Variants in ZNF536 observed in about 807,000 individuals in gnomAD.
The protein encoded by ZNF536 is zinc finger protein 536.
Under a neutral mutation model 84.5 loss-of-function variants are expected in ZNF536, and 13 were observed. The ratio of observed to expected loss-of-function variants is 0.15; its 90% CI spans 0.10 to 0.24. The LOEUF (loss-of-function observed/expected upper bound fraction) is 0.24, where lower values mean the gene tolerates loss of function less well. ZNF536 is among the 10% of genes least tolerant of loss of function. ZNF536 has a pLI of 1.00. For missense variants in ZNF536, 1,536 were observed against 1,747.5 expected, an observed-to-expected ratio of 0.88 and a Z score of 2.16; for synonymous variants, 811 against 742.5, an observed-to-expected ratio of 1.09 and a Z score of -1.50.
rs139076991 is a variant in ZNF536, at chr19:30,486,808, C to G, written c.2170+41076C>G. Among the ~76,000 whole-genome samples the G allele has an allele frequency of 7.3e-3, 1,115 of 152,318 alleles. 9 individuals are homozygous for G. Among genetic ancestry groups the G allele is most frequent in the Non-Finnish European group, 0.012 (808 of 68,030 alleles). ...ATGTATTTTCTATAATAACTCATCTCATCTGTTTTTGGCCTACTTGGACTT... is the reference window on the plus strand; with the variant it reads ...ATGTATTTTCTATAATAACTCATCTGATCTGTTTTTGGCCTACTTGGACTT... On this transcript the variant is annotated intron_variant, in intron 2 of 4. Transcript: ENST00000355537.
At chr19:30,229,794 C>G (rs2022895937) in intron 1 of ZNF536, among the ~76,000 whole-genome samples, 1 of 152,162 alleles carries the variant, frequency 6.6e-6, no homozygotes, top group Admixed American at 6.5e-5. Flanking sequence ...AATGCAGAAC[C>G]GCCGAGCCCT....
Position 30,556,664 on chromosome 19 carries a change from C to T in ZNF536, c.3896-493C>T, listed in dbSNP as rs144118122. ...GATGGTGTCTGTAAGTCGGCAAACA[C>T]TGGTGACATTTAGCCTTGTTTATGT... On this transcript the variant is annotated intron_variant, in intron 4 of 4. Transcript: ENST00000355537. The T allele has an allele frequency of 1.0e-3, 156 of 153,236 alleles. 1 individual carries two copies. Among genetic ancestry groups the T allele is most frequent in the Non-Finnish European group, 1.9e-3 (128 of 68,634 alleles). 9.5% of individuals were successfully genotyped at this position (153,236 alleles called of 1,614,324 possible).
chr19:30,530,338 T>C (rs916271463), intron 2 of ZNF536, among the ~76,000 whole-genome samples: 3 of 151,912 alleles, frequency 2.0e-5, no homozygotes, highest in East Asian at 3.9e-4. Flanking sequence ...CTTTTTGTTG[T>C]TGTTGTTGTT....
chr19:30,705,631 G>A (rs1022065141), intron 1 of ZNF536, among the ~76,000 whole-genome samples: 2 of 152,122 alleles, frequency 1.3e-5, no homozygotes, highest in East Asian at 1.9e-4. Flanking sequence ...ATGCAAAAAT[G>A]TATGTGAAAA....
Position 30,549,260 on chromosome 19 carries a change from C to G in ZNF536, c.3641C>G (p.Thr1214Ser), listed in dbSNP as rs751918169. 2 of 1,613,916 alleles carry G rather than the reference C, an allele frequency of 1.2e-6. No individual in the cohort carries two copies. Among genetic ancestry groups the G allele is most frequent in the Non-Finnish European group, 1.7e-6 (2 of 1,180,040 alleles). ...GGGGACAGCCTGCAGCCCACAGGCA[C>G]CTCCCAGCCCGTCCAGGGACTGGTC... ...DGGDSLQPTG[T>S]SQPVQGLVSP... is the part of the protein sequence containing the mutation. The change falls in exon 4 of 5, where the codon ACC becomes AGC. Residue 1214 changes from threonine (T) to serine (S), a missense_variant. Coordinates refer to ENST00000355537, the MANE Select transcript of ZNF536 (RefSeq NM_014717.3).
chr19:30,650,287 G>T (rs1330238852), intron 1 of ZNF536, among the ~76,000 whole-genome samples: 1 of 152,172 alleles, frequency 6.6e-6, no homozygotes, highest in Admixed American at 6.5e-5. Context: ...CCCTGACCCC[G>T]TTTGAAAGTA....
intron 1 of ZNF536, among the ~76,000 whole-genome samples, chr19:30,618,301 A>C (rs1376472169): frequency 2.0e-5 from 3 of 152,184 alleles, no homozygotes; most frequent in African/African-American, 7.2e-5. Context: ...AATTATCAAA[A>C]TCTTTCCTTT....
chr19:30,256,048 C>T (rs985557877), intron 1 of ZNF536, among the ~76,000 whole-genome samples: 1 of 152,206 alleles, frequency 6.6e-6, no homozygotes, highest in Admixed American at 6.5e-5. Context: ...CCTTGCTGTT[C>T]CTTCCAGACC....
At chr19:30,565,894 A>T (rs1377471849) in intron 1 of ZNF536, among the ~76,000 whole-genome samples, 1 of 152,208 alleles carries the variant, frequency 6.6e-6, no homozygotes, top group Non-Finnish European at 1.5e-5. Context: ...TCCAATGCCA[A>T]GCACCGAACC....
At chr19:30,595,435 A>T (rs938306110) in intron 1 of ZNF536, among the ~76,000 whole-genome samples, 7 of 152,094 alleles carry the variant, frequency 4.6e-5, no homozygotes, top group African/African-American at 1.7e-4. Flanking sequence ...TTACAGGCTT[A>T]TGACCCCATG....
At chr19:30,524,718 A>G (rs1156812535) in intron 2 of ZNF536, among the ~76,000 whole-genome samples, 3 of 152,064 alleles carry the variant, frequency 2.0e-5, no homozygotes, top group African/African-American at 7.2e-5. Context: ...CCCCCACCCA[A>G]ACAGGAGGGG....
intron 2 of ZNF536, among the ~76,000 whole-genome samples, chr19:30,327,437 G>T (rs1179534291): frequency 1.3e-5 from 2 of 152,156 alleles, no homozygotes. Context: ...GTGTTTTCTA[G>T]GCCTGTGTTT....
At chr19:30,358,152 A>G (rs962335240) in intron 3 of ZNF536, among the ~76,000 whole-genome samples, 5 of 152,104 alleles carry the variant, frequency 3.3e-5, no homozygotes, top group Admixed American at 2.6e-4. Context: ...TGAATTCTAG[A>G]TCATTCCTAG....
Position 30,297,908 on chromosome 19 carries a change from C to CCA in ZNF536, c.-120+13768_-120+13769insAC, listed in dbSNP as rs1555714343. 4.0e-5 allele frequency among the ~76,000 whole-genome samples: 6 copies of CCA among 150,052 alleles called. No homozygotes were observed. In the South Asian group the frequency reaches 8.7e-4, roughly 22 times the overall value. On this transcript the variant is annotated intron_variant, in intron 2 of 5. Coordinates refer to the ZNF536 transcript ENST00000585628. ...TTTTTTTTCTCAAGACGGAGTCCCC[C>CCA]CCCCCTCTGTCGCCCAGGCTGGAGT...
intron 1 of ZNF536, among the ~76,000 whole-genome samples, chr19:30,277,960 G>A (rs1031770538): frequency 6.6e-6 from 1 of 152,202 alleles, no homozygotes; most frequent in African/African-American, 2.4e-5. Flanking sequence ...TGTGGGCGGT[G>A]CTGTCTTCAG....
At chr19:30,700,155 CTTCT>C (rs1042017246) in intron 1 of ZNF536, among the ~76,000 whole-genome samples, 1 of 135,950 alleles carries the variant, frequency 7.4e-6, no homozygotes, top group Non-Finnish European at 1.6e-5. Flanking sequence ...CCCTTCTTTC[CTTCT>C]TTCTTTTCTT....
rs2046013413 is a variant in ZNF536, at chr19:30,557,664, T to C, written c.*500T>C. On this transcript the variant is annotated 3_prime_UTR_variant, in exon 5 of 5. Coordinates refer to ENST00000355537, the MANE Select transcript of ZNF536 (RefSeq NM_014717.3). ...GTGCAGTAATTCTCTTTCTCCATAGTATTTAAGCAGAAATATTGCTAGTTT... is the reference window on the plus strand; with the variant it reads ...GTGCAGTAATTCTCTTTCTCCATAGCATTTAAGCAGAAATATTGCTAGTTT... 1 of 152,490 alleles carries C rather than the reference T, an allele frequency of 6.6e-6. No homozygotes were observed. Among genetic ancestry groups the C allele is most frequent in the Admixed American group, 6.5e-5 (1 of 15,298 alleles). The allele number at this position is 152,490 out of a possible 1,614,324, so 9.4% of individuals were successfully genotyped here.
intron 2 of ZNF536, among the ~76,000 whole-genome samples, chr19:30,494,650 CG>C (rs915937316): frequency 1.7e-4 from 26 of 152,004 alleles, no homozygotes; most frequent in African/African-American, 6.3e-4. Context: ...AATTAATGTC[CG>C]GGGCCTTTTT....
chr19:30,436,539 G>A lies in ZNF536; in HGVS notation c.-2-7022G>A, dbSNP rs1293581819. The stretch of plus-strand genomic sequence containing the variant: ...CCAAAATGTAAGCATGAAATCTCTG[G>A]TTTATTTTTGTAATAATGTTTACAG... On this transcript the variant is annotated intron_variant, in intron 1 of 4. Transcript: ENST00000355537. The A allele has an allele frequency of 7.1e-6, 7 of 983,774 alleles. No individual in the cohort carries two copies. The East Asian group carries it at 7.9e-4, about 111-fold the overall frequency. 60.9% of individuals were successfully genotyped at this position (983,774 alleles called of 1,614,324 possible). A position where few individuals can be genotyped will look rare whatever the true frequency, so the allele number is the denominator to read the frequency against.
Sources: gnomAD v4.1 joint callset for allele counts (sites outside exome capture counted in the v4.1 genomes callset) on GRCh38, gnomAD v4.1.1 for gene constraint, MANE v1.5 for transcripts, NCBI Gene and HGNC (gene_info 2026-07-23, HGNC 2026-07-21) for gene names.